The following COL15A1 variants were observed in gnomAD, a reference collection of about 807,000 sequenced individuals.
COL15A1 encodes collagen alpha-1(XV) chain.
Under a neutral mutation model 165.9 loss-of-function variants are expected in COL15A1, and 111 were observed. The ratio of observed to expected loss-of-function variants is 0.67; its 90% CI spans 0.57 to 0.78. COL15A1 has a LOEUF of 0.78. Ranked by LOEUF, COL15A1 falls within the 30% of genes least tolerant of loss-of-function variation. The pLI, the probability that COL15A1 is intolerant of heterozygous loss-of-function variation, is 0.00. For synonymous variants in COL15A1, 659 were observed against 674.8 expected (o/e 0.98, Z 0.36); for missense variants, 1,745 against 1,789.7 (o/e 0.98, Z 0.45).
intron 39 of COL15A1, among the ~76,000 whole-genome samples, chr9:99,063,959 G>A (rs1179678063): frequency 6.6e-6 from 1 of 152,046 alleles, no homozygotes; most frequent in African/African-American, 2.4e-5. Context: ...TCCTTTGCTA[G>A]CTTAAGTAAA....
chr9:99,015,839 G>T lies in COL15A1; in HGVS notation c.1504-137G>T, dbSNP rs1424726466. ...AGAAGAGATGCATATTTCAGAAGGGGTGTGCTGGGGGTAACGATGATCGTA... is the reference window on the plus strand; with the variant it reads ...AGAAGAGATGCATATTTCAGAAGGGTTGTGCTGGGGGTAACGATGATCGTA... On this transcript the variant is annotated intron_variant, in intron 10 of 41. Coordinates refer to ENST00000375001, the MANE Select transcript of COL15A1 (RefSeq NM_001855.5). 4.0e-5 allele frequency: 42 copies of T among 1,042,434 alleles called. No homozygotes were observed. In the South Asian group the frequency reaches 5.4e-4, roughly 13 times the overall value. The allele number at this position is 1,042,434 out of a possible 1,614,324, so 64.6% of individuals were successfully genotyped here. A position where few individuals can be genotyped will look rare whatever the true frequency, so the allele number is the denominator to read the frequency against.
In COL15A1 at chr9:99,042,041, C is replaced by A. The variant is rs1371546082; in HGVS notation, c.2512-4C>A. 6.3e-7 allele frequency: 1 copy of A among 1,596,502 alleles called. No individual in the cohort carries two copies. Among genetic ancestry groups the A allele is most frequent in the East Asian group, 2.2e-5 (1 of 44,778 alleles). ...ACCAAATACTATATAACAATTCCTT[C>A]CAGGGTCCTAGAGGACCAAAAGGTG... On this transcript the variant is annotated splice_polypyrimidine_tract_variant and splice_region_variant and intron_variant, in intron 23 of 41. Transcript: ENST00000375001.
chr9:99,022,851 T>G (rs1839051366), intron 13 of COL15A1, among the ~76,000 whole-genome samples: 1 of 152,234 alleles, frequency 6.6e-6, no homozygotes, highest in Admixed American at 6.5e-5. Context: ...AAGTATGCAC[T>G]GAGGGCTCTC....
chr9:98,987,453 G>A (rs1467719331), intron 4 of COL15A1, 85 bp downstream of exon 4: 13 of 1,305,776 alleles, frequency 1.0e-5, no homozygotes, highest in Non-Finnish European at 1.4e-5. Context: ...ACAGTGGCGT[G>A]GAGTTTCTGA....
chr9:98,945,628 C>T (rs1472377737), intron 2 of COL15A1, among the ~76,000 whole-genome samples: 2 of 152,216 alleles, frequency 1.3e-5, no homozygotes, highest in African/African-American at 4.8e-5. Context: ...GACCCAAATC[C>T]GATGATAGCT....
At chr9:98,987,481 A>G (rs1008302950) in intron 4 of COL15A1, 113 bp downstream of exon 4, 3 of 954,876 alleles carry the variant, frequency 3.1e-6, no homozygotes, top group Non-Finnish European at 4.6e-6. Flanking sequence ...CATTTTGGCA[A>G]CTGCTGCCTC....
At chr9:99,052,574 C>A in intron 31 of COL15A1, 141 bp downstream of exon 31, 2 of 730,838 alleles carry the variant, frequency 2.7e-6, no homozygotes, top group Non-Finnish European at 4.9e-6. Flanking sequence ...GGCAGCTGAG[C>A]CAAGGCTGTG....
intron 30 of COL15A1, 118 bp downstream of exon 30, chr9:99,050,013 G>C: frequency 7.2e-7 from 1 of 1,398,450 alleles, no homozygotes; most frequent in Non-Finnish European, 1.0e-6. Context: ...GATGTCTTCT[G>C]TCCCCTAAGT....
At chr9:99,050,547 A>G (rs74572497) in intron 30 of COL15A1, among the ~76,000 whole-genome samples, 5,853 of 152,264 alleles carry the variant, frequency 0.038, 374 homozygotes, top group African/African-American at 0.14. Flanking sequence ...TTTTTTACCC[A>G]CAGGAAGAGA....
At chr9:99,028,793 C>G (rs1451819500) in intron 16 of COL15A1, among the ~76,000 whole-genome samples, 1 of 152,150 alleles carries the variant, frequency 6.6e-6, no homozygotes, top group East Asian at 1.9e-4. Flanking sequence ...CACTGAAGAA[C>G]TTACTCACGT....
chr9:99,005,050 G>A lies in COL15A1; in HGVS notation c.1353G>A (p.Val451=). ...AGAGCCTCGGGGAAGAGGCCACTGT[G>A]GTAAGGATCGTACAGTGCCCAAAGG... ...SAQSLGEEAT[V]GPSSEDSLTT... The change falls in exon 9 of 42, where the codon GTG becomes GTA. Residue 451 remains valine, a splice_region_variant and synonymous_variant. Coordinates refer to ENST00000375001, the MANE Select transcript of COL15A1 (RefSeq NM_001855.5). 1 of 1,601,352 alleles carries A rather than the reference G, an allele frequency of 6.2e-7. No individual in the cohort carries two copies. Among genetic ancestry groups the A allele is most frequent in the Non-Finnish European group, 8.5e-7 (1 of 1,174,024 alleles).
chr9:99,016,196 G>A, intron 11 of COL15A1, 77 bp downstream of exon 11: 1 of 1,483,996 alleles, frequency 6.7e-7, no homozygotes, highest in Non-Finnish European at 8.9e-7. Context: ...GTTGTGGGAA[G>A]GGCTGGCCCC....
intron 2 of COL15A1, among the ~76,000 whole-genome samples, chr9:98,974,855 G>C (rs1198856648): frequency 1.3e-5 from 2 of 152,238 alleles, no homozygotes; most frequent in Non-Finnish European, 2.9e-5. Flanking sequence ...AGAAACCCAG[G>C]AGGGGCACCT....
chr9:99,041,703 T>C (rs1839408909), intron 23 of COL15A1, among the ~76,000 whole-genome samples: 1 of 151,660 alleles, frequency 6.6e-6, no homozygotes, highest in Non-Finnish European at 1.5e-5. Flanking sequence ...TGGAAGGGGA[T>C]AGTGGAGGAG....
At chr9:99,017,195 C>T (rs1032113080) in intron 11 of COL15A1, among the ~76,000 whole-genome samples, 1 of 152,236 alleles carries the variant, frequency 6.6e-6, no homozygotes, top group Non-Finnish European at 1.5e-5. Flanking sequence ...TCACTCTGTG[C>T]TCCAAGTTTA....
At chr9:99,067,362 C>T (rs929463236) in intron 40 of COL15A1, among the ~76,000 whole-genome samples, 1 of 152,200 alleles carries the variant, frequency 6.6e-6, no homozygotes, top group Non-Finnish European at 1.5e-5. Context: ...TTCTAATAAA[C>T]ATGAGAGTTA....
At chr9:99,044,860 T>C in intron 26 of COL15A1, 90 bp downstream of exon 26, 1 of 1,263,210 alleles carries the variant, frequency 7.9e-7, no homozygotes, top group South Asian at 1.2e-5. Context: ...GTCCCGGTTA[T>C]GAAAATTCAA....
intron 16 of COL15A1, among the ~76,000 whole-genome samples, chr9:99,029,192 A>G (rs1390288199): frequency 6.6e-6 from 1 of 152,226 alleles, no homozygotes; most frequent in African/African-American, 2.4e-5. Context: ...TAAGTCATTC[A>G]TGTTATTCTG....
At chr9:99,026,106 A>G in intron 16 of COL15A1, 140 bp downstream of exon 16, 1 of 751,220 alleles carries the variant, frequency 1.3e-6, no homozygotes, top group Non-Finnish European at 2.1e-6. Context: ...CTTCTGCTGG[A>G]TGTCTCCATC....
Sources: allele counts gnomAD v4.1 joint callset (sites outside exome capture counted in the v4.1 genomes callset), GRCh38; gene constraint gnomAD v4.1.1; transcripts MANE v1.5; gene names NCBI Gene and HGNC (gene_info 2026-07-23, HGNC 2026-07-21).